The following SNTG1 variants were observed in gnomAD, a reference collection of about 807,000 sequenced individuals.
SNTG1 encodes syntrophin gamma 1.
SNTG1 carries 39 observed loss-of-function variants against 74.7 expected under a neutral mutation model. The observed-to-expected ratio is 0.52, with a 90% CI of 0.40 to 0.68. The LOEUF (loss-of-function observed/expected upper bound fraction) is 0.68. SNTG1 is among the 30% of genes least tolerant of loss of function. SNTG1 has a pLI of 0.00. For missense variants in SNTG1, 685 were observed against 609.5 expected (o/e 1.12, Z -1.30); for synonymous variants, 254 against 217.1 (o/e 1.17, Z -1.49).
chr8:50,439,198 A>G (rs369551756), intron 5 of SNTG1, among the ~76,000 whole-genome samples: 4 of 152,248 alleles, frequency 2.6e-5, no homozygotes, highest in Non-Finnish European at 4.4e-5. Flanking sequence ...TCTGCAATTT[A>G]TTATCATTGA....
intron 17 of SNTG1, among the ~76,000 whole-genome samples, chr8:50,737,575 CTGATA>C (rs2095532114): frequency 6.6e-6 from 1 of 152,190 alleles, no homozygotes; most frequent in African/African-American, 2.4e-5. Context: ...CAGCATCATC[CTGATA>C]GCAAAACCTA....
At chr8:50,350,750 T>C (rs575162044) in intron 2 of SNTG1, among the ~76,000 whole-genome samples, 2 of 152,306 alleles carry the variant, frequency 1.3e-5, no homozygotes, top group Admixed American at 6.5e-5. Flanking sequence ...ACTCTGTATC[T>C]AGCTAATCTA....
chr8:50,417,548 G>T (rs556668058), intron 4 of SNTG1, among the ~76,000 whole-genome samples: 4 of 152,120 alleles, frequency 2.6e-5, no homozygotes, highest in Admixed American at 2.0e-4. Context: ...CCTGCAAGTG[G>T]CTCACGTAAG....
intron 13 of SNTG1, among the ~76,000 whole-genome samples, chr8:50,649,513 G>A (rs897022271): frequency 6.6e-6 from 1 of 151,958 alleles, no homozygotes; most frequent in African/African-American, 2.4e-5. Context: ...AAAGAAGTGA[G>A]GAGTCAGTCT....
At chr8:50,349,213 C>T (rs534263585) in intron 2 of SNTG1, among the ~76,000 whole-genome samples, 109 of 152,124 alleles carry the variant, frequency 7.2e-4, no homozygotes, top group Non-Finnish European at 1.5e-3. Context: ...GTATTCAACA[C>T]TTAACAAATT....
rs983670633 is a variant in SNTG1, at chr8:50,123,969, T to C, written c.-102-48592T>C. 2.1e-5 allele frequency among the ~76,000 whole-genome samples: 3 copies of C among 142,678 alleles called. 1 individual carries two copies. The highest frequency in any genetic ancestry group is 2.6e-4 in the South Asian group (1 of 3,868). The allele number at this position is 142,678 out of a possible 152,430, so 93.6% of individuals were successfully genotyped here. On this transcript the variant is annotated intron_variant, in intron 1 of 18. Coordinates refer to ENST00000642720, the MANE Select transcript of SNTG1 (RefSeq NM_018967.5). ...TATAGGGTTTTCAGTGTCTTTTTCT[T>C]ATTATTAGAACAACAACTAAAACAA... is the stretch of plus-strand genomic sequence containing the variant.
chr8:49,913,167 C>T (rs1180877183), intron 1 of SNTG1, among the ~76,000 whole-genome samples: 23 of 152,082 alleles, frequency 1.5e-4, no homozygotes, highest in Non-Finnish European at 2.9e-5. Flanking sequence ...ACTAAGAATC[C>T]GATCAATTCC....
chr8:50,165,859 G>A (rs188673096), intron 1 of SNTG1, among the ~76,000 whole-genome samples: 42 of 152,054 alleles, frequency 2.8e-4, no homozygotes, highest in Admixed American at 1.6e-3. Flanking sequence ...CACACTACCT[G>A]ACTTCAAACT....
chr8:50,530,135 G>A (rs1283588939), intron 9 of SNTG1, 42 bp from the exon 10 acceptor site: 1 of 1,519,848 alleles, frequency 6.6e-7, no homozygotes, highest in South Asian at 1.1e-5. Flanking sequence ...AGAAGGTTAT[G>A]GCATTCTCAC....
intron 2 of SNTG1, among the ~76,000 whole-genome samples, chr8:50,271,002 A>G (rs1325150737): frequency 2.0e-5 from 3 of 152,206 alleles, no homozygotes; most frequent in Admixed American, 6.5e-5. Context: ...ACAAATACTC[A>G]GAGACAGAAA....
rs578230336 is a variant in SNTG1, at chr8:50,395,601, T to A, written c.27+1336T>A. Among the ~76,000 whole-genome samples, 33 of 151,420 alleles carry A rather than the reference T, an allele frequency of 2.2e-4. No individual in the cohort carries two copies. The East Asian group carries it at 6.5e-3, about 30-fold the overall frequency. On this transcript the variant is annotated intron_variant, in intron 3 of 18. Transcript: ENST00000642720. ...TCACTGCAAGCTCTGCCTCCTGGGT[T>A]CATGCCATTCTCCAGCCTCAGCCTC...
chr8:50,008,792 C>T (rs1373045302), intron 1 of SNTG1, among the ~76,000 whole-genome samples: 1 of 152,072 alleles, frequency 6.6e-6, no homozygotes, highest in African/African-American at 2.4e-5. Flanking sequence ...AATTAGATTC[C>T]TCATAAGATT....
intron 1 of SNTG1, among the ~76,000 whole-genome samples, chr8:50,087,682 G>A (rs984792420): frequency 6.6e-6 from 1 of 152,062 alleles, no homozygotes; most frequent in Non-Finnish European, 1.5e-5. Flanking sequence ...GAGGATAATA[G>A]TGTTATTAAC....
chr8:50,324,970 TAGAC>T (rs2090683576), intron 2 of SNTG1, among the ~76,000 whole-genome samples: 1 of 121,162 alleles, frequency 8.3e-6, no homozygotes, highest in African/African-American at 2.8e-5. Context: ...TATATATATA[TAGAC>T]AGAGAGAGAG....
At chr8:50,083,798 C>T (rs1420530574) in intron 1 of SNTG1, among the ~76,000 whole-genome samples, 1 of 152,094 alleles carries the variant, frequency 6.6e-6, no homozygotes, top group Admixed American at 6.6e-5. Context: ...ATTATGTTTG[C>T]TTATACTTTT....
At chr8:49,959,094 C>G (rs1246117922) in intron 1 of SNTG1, among the ~76,000 whole-genome samples, 1 of 152,100 alleles carries the variant, frequency 6.6e-6, no homozygotes, top group East Asian at 1.9e-4. Flanking sequence ...CTCAACTACT[C>G]AAAATAAGTA....
chr8:50,683,190 A>T (rs2095338052), intron 15 of SNTG1, among the ~76,000 whole-genome samples: 1 of 152,190 alleles, frequency 6.6e-6, no homozygotes, highest in Admixed American at 6.5e-5. Flanking sequence ...TTGAATGCCT[A>T]CTATGGATAT....
intron 13 of SNTG1, among the ~76,000 whole-genome samples, chr8:50,609,764 A>T (rs1043239771): frequency 6.6e-6 from 1 of 152,036 alleles, no homozygotes; most frequent in African/African-American, 2.4e-5. Context: ...CTATTAATCT[A>T]TCTTTTAGTT....
intron 1 of SNTG1, among the ~76,000 whole-genome samples, chr8:49,957,326 T>C (rs931621005): frequency 1.3e-5 from 2 of 152,258 alleles, no homozygotes; most frequent in African/African-American, 4.8e-5. Context: ...ATGACAGTCC[T>C]ACATAGAGTA....
Sources: allele counts gnomAD v4.1 joint callset (sites outside exome capture counted in the v4.1 genomes callset), GRCh38; gene constraint gnomAD v4.1.1; transcripts MANE v1.5; gene names NCBI Gene and HGNC (gene_info 2026-07-23, HGNC 2026-07-21).